The following NEMP2 variants were observed in gnomAD, a reference collection of about 807,000 sequenced individuals.
NEMP2 encodes the protein UPF0571 transmembrane protein.
In NEMP2, 53 loss-of-function variants were observed where a neutral mutation model predicts 54.2. That is an observed-to-expected ratio of 0.98 (90% CI 0.78 to 1.23). The LOEUF (loss-of-function observed/expected upper bound fraction) is 1.23. Ranked by LOEUF, NEMP2 falls within the 50% of genes most tolerant of loss-of-function variation. The pLI is 0.00. For synonymous variants in NEMP2, 197 were observed against 190.3 expected (o/e 1.04, Z -0.29); for missense variants, 455 against 511.3 (o/e 0.89, Z 1.06).
the NEMP2 span, among the ~76,000 whole-genome samples, chr2:190,461,272 T>G: frequency 6.6e-6 from 1 of 152,230 alleles, no homozygotes; most frequent in Non-Finnish European, 1.5e-5. The surrounding 1 kb of genome is among the most constrained non-coding windows in gnomAD (Gnocchi z 5.5). Flanking sequence ...TGATGTCTGT[T>G]CATTCTTTGA....
At chr2:190,538,934 T>C (rs1691462423), upstream of NEMP2, among the ~76,000 whole-genome samples, 1 of 152,228 alleles carries the variant, frequency 6.6e-6, no homozygotes, top group Admixed American at 6.5e-5. The surrounding 1 kb of genome is among the most constrained non-coding windows in gnomAD (Gnocchi z 4.1). Flanking sequence ...TGTTGAGTAT[T>C]TCCTTTGCTA....
At chr2:190,427,198 A>G in the NEMP2 span, among the ~76,000 whole-genome samples, 3 of 152,160 alleles carry the variant, frequency 2.0e-5, no homozygotes, top group African/African-American at 7.2e-5. Context: ...CTTCCCATGT[A>G]ATCTCCACTG....
At chr2:190,452,431 T>C in the NEMP2 span, among the ~76,000 whole-genome samples, 1 of 152,240 alleles carries the variant, frequency 6.6e-6, no homozygotes, top group African/African-American at 2.4e-5. Flanking sequence ...CCCTATTTAA[T>C]CTTTTTAACA....
the NEMP2 span, among the ~76,000 whole-genome samples, chr2:190,622,314 G>A: frequency 6.6e-6 from 1 of 151,134 alleles, no homozygotes; most frequent in African/African-American, 2.4e-5. Flanking sequence ...AGGCTGAGGT[G>A]GGAGGATCTC....
At chr2:190,543,558 G>T in the NEMP2 span, among the ~76,000 whole-genome samples, 1 of 152,160 alleles carries the variant, frequency 6.6e-6, no homozygotes, top group Admixed American at 6.5e-5. This position sits in a 1 kb window ranked among gnomAD's most constrained non-coding sequence, Gnocchi z 4.7. Flanking sequence ...ATTGAGGAGA[G>T]GTGCATTGTA....
the NEMP2 span, among the ~76,000 whole-genome samples, chr2:190,435,147 G>C: frequency 6.6e-6 from 1 of 152,336 alleles, no homozygotes; most frequent in South Asian, 2.1e-4. Context: ...CCATCGTAGA[G>C]AGCATGTGTC....
chr2:190,606,278 G>T, the NEMP2 span, among the ~76,000 whole-genome samples: 2 of 152,108 alleles, frequency 1.3e-5, no homozygotes, highest in African/African-American at 4.8e-5. Flanking sequence ...GAAGGCTCTG[G>T]AAACATCACT....
rs1004820832 is a variant in NEMP2 at position 190,530,680 on chromosome 2, A to G, written c.97+3879T>C. Among the ~76,000 whole-genome samples the G allele has an allele frequency of 4.6e-5, 7 of 152,178 alleles. No homozygotes were observed. The highest frequency in any genetic ancestry group is 9.7e-5 in the African/African-American group (4 of 41,446). On this transcript the variant is annotated intron_variant, in intron 1 of 8. Transcript: ENST00000409150. The surrounding 1 kb of genome is among the most constrained non-coding windows in gnomAD (Gnocchi z 4.6). ...CACTGCTCGGTTTCAATCATGTCCA[A>G]TGGAAACAGGAAACAGAGCCAGTTT...
In NEMP2 at chr2:190,509,414, A is replaced by G; in HGVS notation, c.1131-102T>C. 1 of 1,349,468 alleles carries G rather than the reference A, an allele frequency of 7.4e-7. No homozygotes were observed. Among genetic ancestry groups the G allele is most frequent in the Non-Finnish European group, 1.0e-6 (1 of 980,194 alleles). The allele number at this position is 1,349,468 out of a possible 1,614,324, so 83.6% of individuals were successfully genotyped here. On this transcript the variant is annotated intron_variant, in intron 8 of 8. Transcript: ENST00000409150. This position sits in a 1 kb window ranked among gnomAD's most constrained non-coding sequence, Gnocchi z 6.1. ...TATTTATCCCCTTTAATTAAATTTG[A>G]CTTTGCATCAATACAGGGTGGCATT...
At position 190,533,189 on chromosome 2, in the gene NEMP2, C is replaced by T. The variant is rs1404041160; in HGVS notation, c.97+1370G>A. On this transcript the variant is annotated intron_variant, in intron 1 of 8. Coordinates refer to ENST00000409150, the MANE Select transcript of NEMP2 (RefSeq NM_001142645.2). The surrounding 1 kb of genome is among the most constrained non-coding windows in gnomAD (Gnocchi z 4.3). ...ACTCTGTGCCTGGACCAAGGTTATA[C>T]CACAAGTTGTGGCTGAAGGAATGAG... 6.6e-6 allele frequency among the ~76,000 whole-genome samples: 1 copy of T among 152,158 alleles called. No individual in the cohort carries two copies. The highest frequency in any genetic ancestry group is 1.9e-4 in the East Asian group (1 of 5,198).
chr2:190,612,642 CA>C, the NEMP2 span, among the ~76,000 whole-genome samples: 144 of 152,092 alleles, frequency 9.5e-4, 1 homozygote, highest in African/African-American at 3.3e-3. Flanking sequence ...TTTTTTAAGT[CA>C]AAAAAAGTTT....
the NEMP2 span, among the ~76,000 whole-genome samples, chr2:190,483,058 A>AT: frequency 6.7e-6 from 1 of 149,516 alleles, no homozygotes; most frequent in Non-Finnish European, 1.5e-5. Flanking sequence ...CGCCCGGCTA[A>AT]TTTTTTTGTA....
At chr2:190,466,920 G>T in the NEMP2 span, among the ~76,000 whole-genome samples, 4 of 152,158 alleles carry the variant, frequency 2.6e-5, no homozygotes, top group African/African-American at 9.7e-5. Flanking sequence ...TTCCATCTGG[G>T]AAGAGGTTTG....
the NEMP2 span, among the ~76,000 whole-genome samples, chr2:190,562,386 A>G: frequency 2.2e-4 from 33 of 152,324 alleles, no homozygotes; most frequent in Non-Finnish European, 4.4e-4. The surrounding 1 kb of genome is among the most constrained non-coding windows in gnomAD (Gnocchi z 5.0). Context: ...GTGCCAGCCC[A>G]TAGAGTGCCT....
the NEMP2 span, among the ~76,000 whole-genome samples, chr2:190,598,811 A>G: frequency 2.0e-5 from 3 of 152,236 alleles, no homozygotes; most frequent in African/African-American, 7.2e-5. Context: ...TAACCTTGCC[A>G]AATAACCTTA....
the NEMP2 span, among the ~76,000 whole-genome samples, chr2:190,448,593 A>G: frequency 2.6e-5 from 4 of 152,348 alleles, no homozygotes; most frequent in Admixed American, 2.6e-4. Flanking sequence ...ACAGTTATAC[A>G]AATGTTAACG....
the NEMP2 span, among the ~76,000 whole-genome samples, chr2:190,574,238 T>A: frequency 6.6e-6 from 1 of 152,204 alleles, no homozygotes; most frequent in Non-Finnish European, 1.5e-5. Context: ...GAGTCAAAGG[T>A]ACAGTAGCTT....
chr2:190,514,017 G>T lies in NEMP2; in HGVS notation c.953+436C>A, dbSNP rs973650006. On this transcript the variant is annotated intron_variant, in intron 7 of 8. Transcript: ENST00000409150. This position sits in a 1 kb window ranked among gnomAD's most constrained non-coding sequence, Gnocchi z 5.7. ...ATAAGCCTTAACTAAAAACCTAAGA[G>T]AAAAGAAAGTCCTAAATACAAATAA... is the stretch of plus-strand genomic sequence containing the variant. Among the ~76,000 whole-genome samples, 4 of 152,108 alleles carry T rather than the reference G, an allele frequency of 2.6e-5. No individual in the cohort carries two copies. Among genetic ancestry groups the T allele is most frequent in the Admixed American group, 1.3e-4 (2 of 15,280 alleles).
the NEMP2 span, among the ~76,000 whole-genome samples, chr2:190,487,936 C>T: frequency 6.6e-6 from 1 of 152,142 alleles, no homozygotes; most frequent in Non-Finnish European, 1.5e-5. The surrounding 1 kb of genome is among the most constrained non-coding windows in gnomAD (Gnocchi z 5.5). Flanking sequence ...GAATCTTGCT[C>T]TGTTGCCAGG....
Sources: allele counts gnomAD v4.1 joint callset (sites outside exome capture counted in the v4.1 genomes callset), GRCh38; gene constraint gnomAD v4.1.1; non-coding constraint Gnocchi (gnomAD v3.1); transcripts MANE v1.5; gene names NCBI Gene and HGNC (gene_info 2026-07-23, HGNC 2026-07-21).